Variants in CREBBP observed in about 807,000 individuals in gnomAD.
CREBBP encodes CREB-binding protein.
In CREBBP, 19 loss-of-function variants were observed where a neutral mutation model predicts 265.0. The observed-to-expected ratio is 0.07, with a 90% CI of 0.05 to 0.11. The LOEUF (loss-of-function observed/expected upper bound fraction) is 0.11. Ranked by LOEUF, CREBBP falls within the 10% of genes least tolerant of loss-of-function variation. The pLI is 1.00. For missense variants in CREBBP, 2,525 were observed against 3,219.0 expected, an observed-to-expected ratio of 0.78 and a Z score of 5.22; for synonymous variants, 1,457 against 1,223.7, an observed-to-expected ratio of 1.19 and a Z score of -3.98.
At chr16:3,871,164 C>T (rs886550152) in intron 1 of CREBBP, among the ~76,000 whole-genome samples, 1 of 149,786 alleles carries the variant, frequency 6.7e-6, no homozygotes, top group South Asian at 2.1e-4. Context: ...GTAAAAAGCC[C>T]CTTTTAGAGA....
chr16:3,877,693 T>C (rs943378701), intron 1 of CREBBP, among the ~76,000 whole-genome samples: 26 of 152,236 alleles, frequency 1.7e-4, no homozygotes, highest in African/African-American at 6.0e-4. Flanking sequence ...GCATGAGCCA[T>C]GGCGCCCAGC....
Position 3,773,004 on chromosome 16 carries a change from C to T in CREBBP, c.2463+747G>A, listed in dbSNP as rs374144536. ...TTGGCAGGCTTAGGCAGGAGAATCG[C>T]TTGAACCCGGGAGGCGGAGGTTGCA... is the stretch of plus-strand genomic sequence containing the variant. On this transcript the variant is annotated intron_variant, in intron 13 of 30. Coordinates refer to ENST00000262367, the MANE Select transcript of CREBBP (RefSeq NM_004380.3). Among the ~76,000 whole-genome samples, 9 of 151,468 alleles carry T rather than the reference C, an allele frequency of 5.9e-5. No individual in the cohort carries two copies. In the South Asian group the frequency reaches 1.2e-3, roughly 21 times the overall value.
chr16:3,858,000 G>C (rs374345516), intron 1 of CREBBP, among the ~76,000 whole-genome samples: 1 of 152,214 alleles, frequency 6.6e-6, no homozygotes, highest in East Asian at 1.9e-4. Context: ...AAAGGCAACT[G>C]TTTACCAAGC....
intron 2 of CREBBP, among the ~76,000 whole-genome samples, chr16:3,834,017 G>A (rs1231699285): frequency 6.6e-6 from 1 of 152,158 alleles, no homozygotes; most frequent in African/African-American, 2.4e-5. Context: ...ATAAGCGTAT[G>A]AAAAGATGAC....
intron 2 of CREBBP, among the ~76,000 whole-genome samples, chr16:3,812,326 G>A (rs773676780): frequency 6.6e-5 from 10 of 151,688 alleles, no homozygotes; most frequent in Admixed American, 1.3e-4. Flanking sequence ...TTATGGGCTC[G>A]TGCCATCACA....
intron 2 of CREBBP, among the ~76,000 whole-genome samples, chr16:3,819,388 T>C (rs556293302): frequency 1.3e-5 from 2 of 152,304 alleles, no homozygotes; most frequent in Admixed American, 1.3e-4. Context: ...CGACAGTGAG[T>C]ACTAGGGGTG....
At position 3,773,709 on chromosome 16, in the gene CREBBP, T is replaced by A. The variant is rs750268402; in HGVS notation, c.2463+42A>T. 3 of 1,602,784 alleles carry A rather than the reference T, an allele frequency of 1.9e-6. No homozygotes were observed. In the East Asian group the frequency reaches 6.7e-5, roughly 36 times the overall value. On this transcript the variant is annotated intron_variant, in intron 13 of 30. Transcript: ENST00000262367. ...AAAAAACCAAAACTTAACACAAGAA[T>A]TTTATTTCCTAGGGAGCCACGGTCC...
rs571099644 is a variant in CREBBP, at chr16:3,729,985, G to A, written c.5173-111C>T. On this transcript the variant is annotated intron_variant, in intron 30 of 30. Coordinates refer to ENST00000262367, the MANE Select transcript of CREBBP (RefSeq NM_004380.3). The stretch of plus-strand genomic sequence containing the variant: ...TCTGGGTCTGTGCCAGGAGACCCAG[G>A]CAGGATAGGAGACCCAGACAGGATG... 16 of 1,525,794 alleles carry A rather than the reference G, an allele frequency of 1.0e-5. No homozygotes were observed. The South Asian group carries it at 1.9e-4, about 18-fold the overall frequency. 94.5% of individuals were successfully genotyped at this position (1,525,794 alleles called of 1,614,324 possible).
intron 21 of CREBBP, 135 bp from the exon 22 acceptor site, chr16:3,745,489 G>C: frequency 2.7e-6 from 2 of 745,154 alleles, no homozygotes; most frequent in Non-Finnish European, 4.8e-6. Context: ...GCGTGTGTTG[G>C]CTGATTCAGC....
In CREBBP at chr16:3,728,127, G is replaced by A. The variant is rs2151300515; in HGVS notation, c.6920C>T (p.Ser2307Phe). The A allele has an allele frequency of 6.2e-7, 1 of 1,614,176 alleles. No individual in the cohort carries two copies. Residue 2307 changes from serine to phenylalanine, a missense_variant, in exon 31 of 31, where the codon TCC becomes TTC. Physicochemically the swap from Ser to Phe is radical, Grantham distance 155. Around this residue, in one of 19 missense-constraint regions of CREBBP, gnomAD observed 473 missense variants for 459.3 expected, o/e 1.03. Transcript: ENST00000262367. The surrounding 1 kb of genome is among the most constrained non-coding windows in gnomAD (Gnocchi z 8.7). ...GCTCATGGGGTTCGGCTGGCCTGGG[G>A]ACCCAATCTGCTGCTTCATCTGCTG... ...QQQQMKQQIG[S>F]PGQPNPMSPQ...
chr16:3,771,411 C>T (rs1214740158), intron 13 of CREBBP, among the ~76,000 whole-genome samples: 1 of 152,140 alleles, frequency 6.6e-6, no homozygotes, highest in African/African-American at 2.4e-5. Flanking sequence ...GAGTGTTCTG[C>T]TTGTGAAAAT....
rs1555470611 is a variant in CREBBP at position 3,727,421 on chromosome 16, T to C, written c.*297A>G. 1 of 341,574 alleles carries C rather than the reference T, an allele frequency of 2.9e-6. No homozygotes were observed. Among genetic ancestry groups the C allele is most frequent in the Non-Finnish European group, 5.3e-6 (1 of 187,172 alleles). 21.2% of individuals were successfully genotyped at this position (341,574 alleles called of 1,614,324 possible). A position where few individuals can be genotyped will look rare whatever the true frequency, so the allele number is the denominator to read the frequency against. On this transcript the variant is annotated 3_prime_UTR_variant, in exon 31 of 31. Coordinates refer to ENST00000262367, the MANE Select transcript of CREBBP (RefSeq NM_004380.3). ...AAAAAAAGGCATGAGTCACCAGCAA[T>C]GACGACAAAAAGAATCCAAACAAAA...
chr16:3,839,560 T>G (rs1421357591), intron 2 of CREBBP, among the ~76,000 whole-genome samples: 2 of 151,744 alleles, frequency 1.3e-5, no homozygotes, highest in African/African-American at 4.8e-5. Flanking sequence ...CGCATGCCTG[T>G]AATCCCAGCT....
At chr16:3,745,524 A>C (rs1319524062) in intron 21 of CREBBP, 170 bp from the exon 22 acceptor site, 2 of 676,748 alleles carry the variant, frequency 3.0e-6, no homozygotes, top group Non-Finnish European at 5.4e-6. Context: ...CATCCGTATG[A>C]TATCTTCTAC....
intron 2 of CREBBP, among the ~76,000 whole-genome samples, chr16:3,811,123 A>G (rs992047421): frequency 6.6e-6 from 1 of 152,164 alleles, no homozygotes; most frequent in African/African-American, 2.4e-5. Context: ...GAATTCTTTC[A>G]GTTTAATCCT....
chr16:3,728,603 G>A lies in CREBBP; in HGVS notation c.6444C>T (p.Gly2148=), dbSNP rs148539895. 1.4e-4 allele frequency: 223 copies of A among 1,613,658 alleles called. 1 individual carries two copies. Among genetic ancestry groups the A allele is most frequent in the Middle Eastern group, 4.9e-4 (3 of 6,062 alleles). The part of the protein sequence containing the change: ...SLQNLNAMQA[G]VPRPGVPPQQ... Reference sequence around the variant, plus strand: ...GTGGAGGCACACCGGGCCGCGGCACGCCAGCCTGCATGGCATTCAGGTTCT... The same window carrying A: ...GTGGAGGCACACCGGGCCGCGGCACACCAGCCTGCATGGCATTCAGGTTCT... Residue 2148 remains glycine (G), a synonymous_variant, in exon 31 of 31, where the codon GGC becomes GGT. Transcript: ENST00000262367. This position sits in a 1 kb window ranked among gnomAD's most constrained non-coding sequence, Gnocchi z 8.7.
chr16:3,873,701 A>G (rs2055344578), intron 1 of CREBBP, among the ~76,000 whole-genome samples: 1 of 152,188 alleles, frequency 6.6e-6, no homozygotes, highest in South Asian at 2.1e-4. Flanking sequence ...CTCTGAGCTC[A>G]GAGAGCTGAT....
chr16:3,762,212 C>A (rs1338105990), intron 16 of CREBBP, among the ~76,000 whole-genome samples: 3 of 152,164 alleles, frequency 2.0e-5, no homozygotes, highest in Admixed American at 1.3e-4. Context: ...GATCACTGGG[C>A]CTCTGCACGG....
At position 3,741,528 on chromosome 16, in the gene CREBBP, G is replaced by C. The variant is rs542998433; in HGVS notation, c.3983-979C>G. 14 of 152,334 alleles carry C rather than the reference G, an allele frequency of 9.2e-5. No individual in the cohort carries two copies. In the East Asian group the frequency reaches 2.5e-3, roughly 27 times the overall value. 9.4% of individuals were successfully genotyped at this position (152,334 alleles called of 1,614,324 possible). On this transcript the variant is annotated intron_variant, in intron 23 of 30. Transcript: ENST00000262367. ...TGATTTAAAAAGAAAAATGTGGCCG[G>C]GCACAATGGCTCATGCCTGTAATCC...
Sources: gnomAD v4.1 joint callset for allele counts (sites outside exome capture counted in the v4.1 genomes callset) on GRCh38, gnomAD v4.1.1 for gene constraint, gnomAD v4.1.1 regional missense constraint, Gnocchi (gnomAD v3.1) non-coding constraint, MANE v1.5 for transcripts, NCBI Gene and HGNC (gene_info 2026-07-23, HGNC 2026-07-21) for gene names.